Variants in ARHGAP26 observed in about 807,000 individuals in gnomAD.
The protein encoded by ARHGAP26 is rho GTPase-activating protein 26.
ARHGAP26 carries 38 observed loss-of-function variants against 104.8 expected under a neutral mutation model. The observed-to-expected ratio is 0.36, with a 90% CI of 0.28 to 0.48. The LOEUF is 0.48. Among genes scored for constraint, ARHGAP26 ranks in the 20% least tolerant of loss-of-function variants. The pLI is 0.99. For synonymous variants in ARHGAP26, 341 were observed against 340.0 expected, an observed-to-expected ratio of 1.00 and a Z score of -0.03; for missense variants, 704 against 947.9, an observed-to-expected ratio of 0.74 and a Z score of 3.38.
intron 3 of ARHGAP26, 120 bp downstream of exon 3, chr5:142,875,291 T>G: frequency 5.0e-5 from 47 of 936,886 alleles, no homozygotes; most frequent in Middle Eastern, 2.2e-4. Flanking sequence ...TTTTGAGCTC[T>G]TCAGCAAGCC....
At chr5:142,931,398 G>T (rs2152532697) in intron 10 of ARHGAP26, among the ~76,000 whole-genome samples, 1 of 152,280 alleles carries the variant, frequency 6.6e-6, no homozygotes, top group East Asian at 1.9e-4. Context: ...GTCTTCTGGA[G>T]GGCTTGTGCT....
intron 1 of ARHGAP26, among the ~76,000 whole-genome samples, chr5:142,797,260 C>A (rs1172727854): frequency 6.6e-6 from 1 of 152,182 alleles, no homozygotes; most frequent in African/African-American, 2.4e-5. Context: ...AGCTAGGACA[C>A]TTAATGATTA....
chr5:142,820,320 C>T (rs1005311280), intron 1 of ARHGAP26, among the ~76,000 whole-genome samples: 5 of 151,998 alleles, frequency 3.3e-5, no homozygotes, highest in Admixed American at 6.6e-5. Context: ...GATCTTTGGA[C>T]GAAAGGTTTC....
At chr5:142,796,850 CTTTG>C (rs1040129511) in intron 1 of ARHGAP26, among the ~76,000 whole-genome samples, 2 of 152,216 alleles carry the variant, frequency 1.3e-5, no homozygotes, top group Admixed American at 6.5e-5. Context: ...CCCTGTCCTC[CTTTG>C]TTTGGCCAGT....
intron 1 of ARHGAP26, among the ~76,000 whole-genome samples, chr5:142,856,533 G>T (rs1381809001): frequency 1.3e-5 from 2 of 152,142 alleles, no homozygotes; most frequent in Admixed American, 6.5e-5. Flanking sequence ...AAGGAGGGAG[G>T]TGTATTAGCC....
At chr5:143,207,927 A>G (rs1268807989) in intron 21 of ARHGAP26, among the ~76,000 whole-genome samples, 2 of 152,216 alleles carry the variant, frequency 1.3e-5, no homozygotes, top group Admixed American at 1.3e-4. Context: ...ACATAGAATA[A>G]AAGCTTGAGA....
intron 11 of ARHGAP26, among the ~76,000 whole-genome samples, chr5:142,991,317 C>T (rs1270080088): frequency 6.6e-6 from 1 of 152,192 alleles, no homozygotes; most frequent in Non-Finnish European, 1.5e-5. Context: ...TGGAAAAGCG[C>T]AGTATTAGGG....
chr5:142,930,672 C>T (rs1209343649), intron 10 of ARHGAP26, among the ~76,000 whole-genome samples: 4 of 152,010 alleles, frequency 2.6e-5, no homozygotes, highest in Non-Finnish European at 4.4e-5. Context: ...CTGTCTCTCC[C>T]GACCCACACG....
intron 1 of ARHGAP26, among the ~76,000 whole-genome samples, chr5:142,851,512 T>C (rs1037403927): frequency 1.3e-5 from 2 of 152,248 alleles, no homozygotes; most frequent in Admixed American, 6.5e-5. Context: ...TTCAGTTGTT[T>C]TATTATGAAC....
intron 11 of ARHGAP26, among the ~76,000 whole-genome samples, chr5:143,001,107 A>G (rs1777136596): frequency 6.6e-6 from 1 of 152,188 alleles, no homozygotes; most frequent in African/African-American, 2.4e-5. Context: ...CTGTTTGTAT[A>G]GTGATCTAGA....
chr5:143,177,592 G>A (rs1483490352), intron 20 of ARHGAP26, among the ~76,000 whole-genome samples: 3 of 152,190 alleles, frequency 2.0e-5, no homozygotes, highest in Non-Finnish European at 4.4e-5. Context: ...ATTTCTGATA[G>A]GCTTAGGATC....
At chr5:142,881,735 C>T (rs1757029281) in intron 4 of ARHGAP26, among the ~76,000 whole-genome samples, 2 of 152,158 alleles carry the variant, frequency 1.3e-5, no homozygotes, top group African/African-American at 4.8e-5. Context: ...ACAACAGATC[C>T]ACTTCTAGGC....
chr5:143,033,846 TA>T (rs1405585280), intron 12 of ARHGAP26, among the ~76,000 whole-genome samples: 1 of 152,212 alleles, frequency 6.6e-6, no homozygotes, highest in African/African-American at 2.4e-5. Context: ...AAAGAAGAAC[TA>T]AAAGGCTTCA....
intron 1 of ARHGAP26, among the ~76,000 whole-genome samples, chr5:142,777,404 A>T (rs1317087782): frequency 6.6e-6 from 1 of 152,232 alleles, no homozygotes; most frequent in African/African-American, 2.4e-5. Context: ...CCGGCCAAGG[A>T]AGAACTGTTA....
chr5:143,142,296 G>A (rs763248426), intron 19 of ARHGAP26, among the ~76,000 whole-genome samples: 27 of 151,700 alleles, frequency 1.8e-4, no homozygotes, highest in African/African-American at 3.9e-4. Context: ...CCGCCACCAC[G>A]CCCAGCTAAA....
intron 20 of ARHGAP26, among the ~76,000 whole-genome samples, chr5:143,176,155 T>C (rs1803445622): frequency 6.6e-6 from 1 of 152,128 alleles, no homozygotes; most frequent in African/African-American, 2.4e-5. Flanking sequence ...ATATGACACG[T>C]GACAATGAAA....
intron 20 of ARHGAP26, among the ~76,000 whole-genome samples, chr5:143,182,134 T>C (rs1804472657): frequency 6.6e-6 from 1 of 152,214 alleles, no homozygotes. Flanking sequence ...CCCATCACTG[T>C]CTACCACATC....
At chr5:142,847,669 T>C (rs1353651673) in intron 1 of ARHGAP26, among the ~76,000 whole-genome samples, 2 of 152,196 alleles carry the variant, frequency 1.3e-5, no homozygotes, top group Non-Finnish European at 2.9e-5. Flanking sequence ...GATGATGATG[T>C]CTTAACTGCC....
At chr5:143,048,280 A>C (rs932795478) in intron 14 of ARHGAP26, among the ~76,000 whole-genome samples, 3 of 151,706 alleles carry the variant, frequency 2.0e-5, no homozygotes, top group African/African-American at 7.3e-5. Flanking sequence ...TATTTTATTG[A>C]GATGGGGTCT....
Sources: allele counts gnomAD v4.1 joint callset (sites outside exome capture counted in the v4.1 genomes callset), GRCh38; gene constraint gnomAD v4.1.1; transcripts MANE v1.5; gene names NCBI Gene and HGNC (gene_info 2026-07-23, HGNC 2026-07-21).